The following GOLGA7B variants were observed in gnomAD, a reference collection of about 807,000 sequenced individuals.
GOLGA7B encodes golgin subfamily A member 7B.
In GOLGA7B, 17 loss-of-function variants were observed where a neutral mutation model predicts 21.5. That is an observed-to-expected ratio of 0.79 (90% CI 0.54 to 1.19). The LOEUF (loss-of-function observed/expected upper bound fraction) is 1.19, where lower values mean the gene tolerates loss of function less well. GOLGA7B is among the 50% of genes most tolerant of loss of function. The probability of loss-of-function intolerance (pLI) is 0.00; values close to 1 mark genes in which losing one functional copy is unlikely to be tolerated. For missense variants in GOLGA7B, 169 were observed against 224.4 expected, an observed-to-expected ratio of 0.75 and a Z score of 1.58; for synonymous variants, 87 against 84.0, an observed-to-expected ratio of 1.04 and a Z score of -0.19.
chr10:97,855,472 T>TCCATTCTCA (rs2049929761), intron 1 of GOLGA7B, among the ~76,000 whole-genome samples: 1 of 152,192 alleles, frequency 6.6e-6, no homozygotes, highest in Non-Finnish European at 1.5e-5. Flanking sequence ...TCCCTTTCTT[T>TCCATTCTCA]CCATTCTCAC....
At chr10:97,855,696 T>C (rs910347327) in intron 1 of GOLGA7B, among the ~76,000 whole-genome samples, 3 of 152,238 alleles carry the variant, frequency 2.0e-5, no homozygotes, top group Non-Finnish European at 4.4e-5. Context: ...TTCTTTACTC[T>C]TGAAAATACA....
rs369821770 is a variant in GOLGA7B, at chr10:97,870,445, C to G, written c.*4745C>G. On this transcript the variant is annotated 3_prime_UTR_variant, in exon 5 of 5. Transcript: ENST00000370602. ...AGTCAGGATCAAGATTACCCTGGGT[C>G]GGGGGTAGCGAATGGATGGGGACCT... 6.6e-6 allele frequency: 1 copy of G among 151,964 alleles called. No homozygotes were observed. Among genetic ancestry groups the G allele is most frequent in the South Asian group, 2.1e-4 (1 of 4,810 alleles). The allele number at this position is 151,964 out of a possible 1,614,324, so 9.4% of individuals were successfully genotyped here.
rs766389754 is a variant in GOLGA7B at position 97,864,154 on chromosome 10, TCC to T, written c.292-13_292-12del. The T allele has an allele frequency of 4.8e-5, 78 of 1,614,026 alleles. No individual in the cohort carries two copies. Among genetic ancestry groups the T allele is most frequent in the Non-Finnish European group, 6.2e-5 (73 of 1,179,976 alleles). On this transcript the variant is annotated splice_polypyrimidine_tract_variant and intron_variant, in intron 3 of 4. Coordinates refer to ENST00000370602, the MANE Select transcript of GOLGA7B (RefSeq NM_001010917.3). Reference sequence around the variant, plus strand: ...TGTGGCATGCTCATCCTTGTCTGGCTCCTCTTTTTGCAGGTTCTCAAGAAGAT... The same window carrying T: ...TGTGGCATGCTCATCCTTGTCTGGCTTCTTTTTGCAGGTTCTCAAGAAGAT...
rs141259574 is a variant in GOLGA7B at position 97,864,226 on chromosome 10, G to A, written c.350G>A (p.Arg117Gln). The A allele has an allele frequency of 9.9e-6, 16 of 1,614,038 alleles. No individual in the cohort carries two copies. Among genetic ancestry groups the A allele is most frequent in the East Asian group, 4.5e-5 (2 of 44,884 alleles). Residue 117 changes from arginine (R) to glutamine (Q), a missense_variant, in exon 4 of 5, where the codon CGA becomes CAA. Transcript: ENST00000370602. Reference sequence around the variant, plus strand: ...CAGAATGAGAAGATCTTTGCACCTCGAGGCCTCCTACTTACAGACCCTGTG... The same window carrying A: ...CAGAATGAGAAGATCTTTGCACCTCAAGGCCTCCTACTTACAGACCCTGTG... ...QEQNEKIFAPRGLLLTDPVER... is the reference protein window; with the variant it reads ...QEQNEKIFAPQGLLLTDPVER...
intron 1 of GOLGA7B, among the ~76,000 whole-genome samples, chr10:97,856,470 C>T (rs1433747997): frequency 6.6e-6 from 1 of 152,124 alleles, no homozygotes; most frequent in African/African-American, 2.4e-5. Flanking sequence ...TTTTCTTTAT[C>T]CAGTCAAGTG....
rs565586476 is a variant in GOLGA7B, at chr10:97,869,130, C to G, written c.*3430C>G. ...TTAACAGCTTGAGGGCCTCAGCCGTCCTGGGATTAGGATCAGGCAGATTCC... is the reference window on the plus strand; with the variant it reads ...TTAACAGCTTGAGGGCCTCAGCCGTGCTGGGATTAGGATCAGGCAGATTCC... On this transcript the variant is annotated 3_prime_UTR_variant, in exon 5 of 5. Transcript: ENST00000370602. The G allele has an allele frequency of 7.9e-5, 12 of 152,364 alleles. No homozygotes were observed. The South Asian group carries it at 8.3e-4, about 11-fold the overall frequency. 9.4% of individuals were successfully genotyped at this position (152,364 alleles called of 1,614,324 possible). A position where few individuals can be genotyped will look rare whatever the true frequency, so the allele number is the denominator to read the frequency against.
At position 97,864,152 on chromosome 10, in the gene GOLGA7B, G is replaced by A. The variant is rs752917883; in HGVS notation, c.292-16G>A. On this transcript the variant is annotated splice_polypyrimidine_tract_variant and intron_variant, in intron 3 of 4. Transcript: ENST00000370602. Reference sequence around the variant, plus strand: ...CCTGTGGCATGCTCATCCTTGTCTGGCTCCTCTTTTTGCAGGTTCTCAAGA... The same window carrying A: ...CCTGTGGCATGCTCATCCTTGTCTGACTCCTCTTTTTGCAGGTTCTCAAGA... 1 of 1,613,982 alleles carries A rather than the reference G, an allele frequency of 6.2e-7. No individual in the cohort carries two copies. Among genetic ancestry groups the A allele is most frequent in the Non-Finnish European group, 8.5e-7 (1 of 1,179,974 alleles).
intron 1 of GOLGA7B, among the ~76,000 whole-genome samples, chr10:97,854,453 C>T (rs996595632): frequency 7.9e-5 from 12 of 152,192 alleles, no homozygotes; most frequent in African/African-American, 2.7e-4. Flanking sequence ...GCCTTAAATC[C>T]GGCTCTTCAC....
intron 1 of GOLGA7B, among the ~76,000 whole-genome samples, chr10:97,858,797 G>A (rs1394674545): frequency 6.6e-6 from 1 of 152,194 alleles, no homozygotes; most frequent in African/African-American, 2.4e-5. Flanking sequence ...ACTCGGCCTG[G>A]ACCCCAGTCT....
chr10:97,868,281 C>G lies in GOLGA7B; in HGVS notation c.*2581C>G, dbSNP rs2050051242. On this transcript the variant is annotated 3_prime_UTR_variant, in exon 5 of 5. Transcript: ENST00000370602. ...GATTTAAAGATCACTTGAATCCTGT[C>G]ACAGAGGTCCAGAGAGGGTGGGTGA... 1 of 152,310 alleles carries G rather than the reference C, an allele frequency of 6.6e-6. No homozygotes were observed. The highest frequency in any genetic ancestry group is 6.5e-5 in the Admixed American group (1 of 15,290). 9.4% of individuals were successfully genotyped at this position (152,310 alleles called of 1,614,324 possible). A position where few individuals can be genotyped will look rare whatever the true frequency, so the allele number is the denominator to read the frequency against.
rs113786687 is a variant in GOLGA7B, at chr10:97,864,617, G to A, written c.393+348G>A. ...GCTTAGAGTCGTGCAGCTGGTGAAT[G>A]TGGGAGCCAGGAATTGCACCCAGGC... On this transcript the variant is annotated intron_variant, in intron 4 of 4. Transcript: ENST00000370602. Among the ~76,000 whole-genome samples, 318 of 152,344 alleles carry A rather than the reference G, an allele frequency of 2.1e-3. 3 individuals are homozygous for A. The highest frequency in any genetic ancestry group is 7.4e-3 in the African/African-American group (306 of 41,572).
intron 1 of GOLGA7B, among the ~76,000 whole-genome samples, chr10:97,851,928 C>T (rs1027909864): frequency 2.0e-5 from 3 of 152,242 alleles, no homozygotes; most frequent in African/African-American, 7.2e-5. Context: ...AAATATTGCG[C>T]TTTCCTGTGT....
Position 97,865,984 on chromosome 10 carries a change from G to T in GOLGA7B, c.*284G>T. 1 of 447,874 alleles carries T rather than the reference G, an allele frequency of 2.2e-6. No homozygotes were observed. The highest frequency in any genetic ancestry group is 3.8e-5 in the Admixed American group (1 of 26,588). The allele number at this position is 447,874 out of a possible 1,614,324, so 27.7% of individuals were successfully genotyped here. ...GAGACAGATCTTCCTAGGAAGGCTG[G>T]GGTGGGGAGAACACAACCTAGGCGG... is the stretch of plus-strand genomic sequence containing the variant. On this transcript the variant is annotated 3_prime_UTR_variant, in exon 5 of 5. Coordinates refer to ENST00000370602, the MANE Select transcript of GOLGA7B (RefSeq NM_001010917.3).
At chr10:97,852,710 G>A (rs988146544) in intron 1 of GOLGA7B, among the ~76,000 whole-genome samples, 6 of 151,890 alleles carry the variant, frequency 4.0e-5, no homozygotes, top group African/African-American at 1.5e-4. Flanking sequence ...GAGGAAGGGG[G>A]TGGGGAGAGG....
At chr10:97,860,863 C>A (rs1272691726) in intron 2 of GOLGA7B, among the ~76,000 whole-genome samples, 1 of 152,142 alleles carries the variant, frequency 6.6e-6, no homozygotes, top group African/African-American at 2.4e-5. Context: ...TAGGGCAGGG[C>A]AGTGGTGATC....
intron 4 of GOLGA7B, chr10:97,864,927 T>C (rs1230296726): frequency 6.6e-6 from 1 of 152,098 alleles, no homozygotes; most frequent in African/African-American, 2.4e-5. Context: ...GCAACACGAG[T>C]AGAATTGCTA....
In GOLGA7B at chr10:97,871,522, CAG is replaced by C. The variant is rs2050093446; in HGVS notation, c.*5824_*5825del. The C allele has an allele frequency of 2.0e-5, 3 of 152,202 alleles. No homozygotes were observed. The highest frequency in any genetic ancestry group is 2.0e-4 in the Admixed American group (3 of 15,268). The allele number at this position is 152,202 out of a possible 1,614,324, so 9.4% of individuals were successfully genotyped here. On this transcript the variant is annotated 3_prime_UTR_variant, in exon 5 of 5. Transcript: ENST00000370602. Reference sequence around the variant, plus strand: ...GCTTCAGATTCTGGCATAGAATAAACAGATATTTATCCAAGGGTTCACTGATT... The same window carrying C: ...GCTTCAGATTCTGGCATAGAATAAACATATTTATCCAAGGGTTCACTGATT...
chr10:97,850,240 G>T lies in GOLGA7B; in HGVS notation c.-64G>T, dbSNP rs968272807. The stretch of plus-strand genomic sequence containing the variant: ...CCACCGCCGCCGCCCACCTGCTCCC[G>T]GGGTCAGCACCGCGGAGACCCCCCT... On this transcript the variant is annotated 5_prime_UTR_variant, in exon 1 of 5. Transcript: ENST00000370602. 2.3e-6 allele frequency: 3 copies of T among 1,281,904 alleles called. No homozygotes were observed. The highest frequency in any genetic ancestry group is 2.7e-4 in the Middle Eastern group (1 of 3,724). 79.4% of individuals were successfully genotyped at this position (1,281,904 alleles called of 1,614,324 possible).
Position 97,869,287 on chromosome 10 carries a change from T to C in GOLGA7B, c.*3587T>C, listed in dbSNP as rs1458466800. ...CCAGAGGCAGCCCGGTGAAGGGTAG[T>C]GGGGGACTCGACTCACTGTGGGCCT... is the stretch of plus-strand genomic sequence containing the variant. On this transcript the variant is annotated 3_prime_UTR_variant, in exon 5 of 5. Coordinates refer to ENST00000370602, the MANE Select transcript of GOLGA7B (RefSeq NM_001010917.3). The C allele has an allele frequency of 2.6e-5, 4 of 152,594 alleles. No individual in the cohort carries two copies. Among genetic ancestry groups the C allele is most frequent in the Non-Finnish European group, 4.4e-5 (3 of 68,384 alleles). The allele number at this position is 152,594 out of a possible 1,614,324, so 9.5% of individuals were successfully genotyped here.
Sources: gnomAD v4.1 joint callset for allele counts (sites outside exome capture counted in the v4.1 genomes callset) on GRCh38, gnomAD v4.1.1 for gene constraint, MANE v1.5 for transcripts, NCBI Gene and HGNC (gene_info 2026-07-23, HGNC 2026-07-21) for gene names.